Variants in CLDN16 observed in about 807,000 individuals in gnomAD.
CLDN16 encodes claudin-16.
Under a neutral mutation model 24.6 loss-of-function variants are expected in CLDN16, and 13 were observed. The ratio of observed to expected loss-of-function variants is 0.53; its 90% CI spans 0.34 to 0.84. The LOEUF (loss-of-function observed/expected upper bound fraction) is 0.84. CLDN16 is among the 40% of genes least tolerant of loss of function. The pLI is 0.01. For missense variants in CLDN16, 298 were observed against 292.7 expected (o/e 1.02, Z -0.13); for synonymous variants, 116 against 106.7 (o/e 1.09, Z -0.54).
chr3:190,403,809 C>G (rs992821740), intron 2 of CLDN16, among the ~76,000 whole-genome samples: 3 of 151,972 alleles, frequency 2.0e-5, no homozygotes, highest in African/African-American at 7.3e-5. Flanking sequence ...TCTGTGCTAA[C>G]CTAGTTCTAC....
chr3:190,327,621 A>G (rs10212165), intron 1 of CLDN16, among the ~76,000 whole-genome samples: 28,327 of 152,162 alleles, frequency 0.19, 2,910 homozygotes, highest in African/African-American at 0.27. Context: ...CTGGCTCTTG[A>G]TCCAGAAAGC....
upstream of CLDN16, among the ~76,000 whole-genome samples, chr3:190,385,704 G>A (rs569086178): frequency 6.6e-6 from 1 of 152,126 alleles, no homozygotes; most frequent in Non-Finnish European, 1.5e-5. Flanking sequence ...TTTGGATTTG[G>A]GACCTATTGG....
At chr3:190,342,576 C>CTA (rs1436701346) in intron 1 of CLDN16, among the ~76,000 whole-genome samples, 1 of 152,088 alleles carries the variant, frequency 6.6e-6, no homozygotes, top group Non-Finnish European at 1.5e-5. Flanking sequence ...GGATACAAAG[C>CTA]TATAGTAAAC....
upstream of CLDN16, among the ~76,000 whole-genome samples, chr3:190,385,580 T>TG (rs79425983): frequency 3.8e-3 from 585 of 151,992 alleles, 4 homozygotes; most frequent in African/African-American, 0.014. Context: ...ATTTTTTTTT[T>TG]TGTGAAAGAA....
chr3:190,322,368 G>A (rs149860750), upstream of CLDN16: 1 of 694,280 alleles, frequency 1.4e-6, no homozygotes, highest in African/African-American at 1.8e-5. Flanking sequence ...TCTGGGTCGG[G>A]GTTGGGGTCC....
At chr3:190,380,080 A>G (rs1303039431) in intron 3 of CLDN16, among the ~76,000 whole-genome samples, 1 of 151,162 alleles carries the variant, frequency 6.6e-6, no homozygotes, top group Non-Finnish European at 1.5e-5. Flanking sequence ...TAAGTGGCTG[A>G]CCTAAGCCTG....
chr3:190,325,189 G>T (rs1013309564), intron 1 of CLDN16, among the ~76,000 whole-genome samples: 1 of 152,164 alleles, frequency 6.6e-6, no homozygotes, highest in African/African-American at 2.4e-5. Flanking sequence ...GACACAGAGA[G>T]GTCAGGCTGC....
intron 1 of CLDN16, among the ~76,000 whole-genome samples, chr3:190,332,675 G>A (rs150959236): frequency 5.9e-5 from 9 of 151,994 alleles, no homozygotes; most frequent in Non-Finnish European, 1.2e-4. Flanking sequence ...GCACAATATC[G>A]AGTAATACAG....
At chr3:190,370,741 G>A (rs1718122692) in intron 1 of CLDN16, among the ~76,000 whole-genome samples, 2 of 151,884 alleles carry the variant, frequency 1.3e-5, no homozygotes, top group Non-Finnish European at 2.9e-5. Context: ...ATTAACATTT[G>A]AGTCAGTGGG....
intron 1 of CLDN16, among the ~76,000 whole-genome samples, chr3:190,332,927 GTA>G (rs955108289): frequency 4.6e-5 from 7 of 152,114 alleles, no homozygotes; most frequent in African/African-American, 1.7e-4. Flanking sequence ...AGGGAACATT[GTA>G]TTTCCAGTTG....
intron 1 of CLDN16, among the ~76,000 whole-genome samples, chr3:190,391,681 T>C (rs1047039052): frequency 6.6e-6 from 1 of 152,102 alleles, no homozygotes; most frequent in African/African-American, 2.4e-5. Flanking sequence ...AGGACTAAAG[T>C]GGGCAACACA....
At chr3:190,315,067 C>T in the CLDN16 span, among the ~76,000 whole-genome samples, 1 of 152,186 alleles carries the variant, frequency 6.6e-6, no homozygotes, top group African/African-American at 2.4e-5. Context: ...AAGGTATGTC[C>T]TCTTTCTGAT....
chr3:190,344,302 T>C (rs1459824106), intron 1 of CLDN16, among the ~76,000 whole-genome samples: 1 of 152,006 alleles, frequency 6.6e-6, no homozygotes, highest in Admixed American at 6.6e-5. Context: ...ATGTGGATTT[T>C]TATGCATGCA....
chr3:190,392,672 G>A (rs1238602126), intron 1 of CLDN16, among the ~76,000 whole-genome samples: 1 of 152,192 alleles, frequency 6.6e-6, no homozygotes, highest in Admixed American at 6.5e-5. Context: ...TTGAAGAACA[G>A]GTGAGTGAAG....
At chr3:190,388,493 G>A (rs757743541) in intron 1 of CLDN16, 50 bp downstream of exon 1, 42 of 1,528,826 alleles carry the variant, frequency 2.7e-5, no homozygotes, top group Middle Eastern at 1.7e-4. Flanking sequence ...CCAAATTTTC[G>A]CTAAGTCCCA....
At chr3:190,390,622 A>T (rs1473455011) in intron 1 of CLDN16, among the ~76,000 whole-genome samples, 1 of 152,160 alleles carries the variant, frequency 6.6e-6, no homozygotes, top group Non-Finnish European at 1.5e-5. Context: ...TTTTAAAGAG[A>T]CAATAATCTC....
chr3:190,315,668 A>C, the CLDN16 span, among the ~76,000 whole-genome samples: 1 of 152,152 alleles, frequency 6.6e-6, no homozygotes, highest in Non-Finnish European at 1.5e-5. Flanking sequence ...TAATCATTTT[A>C]GATGTTTTCT....
chr3:190,377,512 A>G (rs1343409122), intron 3 of CLDN16, among the ~76,000 whole-genome samples: 2 of 151,990 alleles, frequency 1.3e-5, no homozygotes, highest in East Asian at 1.9e-4. Flanking sequence ...ACAAAACAAA[A>G]CAAAGCAAAA....
At chr3:190,322,580 T>C (rs1279825028) in exon 1 of CLDN16, 2 of 309,158 alleles carry the variant, frequency 6.5e-6, no homozygotes, top group Non-Finnish European at 1.2e-5. Flanking sequence ...AACGCGCGGC[T>C]GGCGGCGTGG....
Sources: gnomAD v4.1 joint callset for allele counts (sites outside exome capture counted in the v4.1 genomes callset) on GRCh38, gnomAD v4.1.1 for gene constraint, MANE v1.5 for transcripts, NCBI Gene and HGNC (gene_info 2026-07-23, HGNC 2026-07-21) for gene names.